Variants in PTPRD observed in about 807,000 individuals in gnomAD.
The protein encoded by PTPRD is protein tyrosine phosphatase receptor type D.
A neutral mutation model predicts 214.5 loss-of-function variants in PTPRD; 34 were observed. That is an observed-to-expected ratio of 0.16 (90% CI 0.12 to 0.21). PTPRD has a LOEUF of 0.21. Among genes scored for constraint, PTPRD ranks in the 10% least tolerant of loss-of-function variants. The pLI, the probability that PTPRD is intolerant of heterozygous loss-of-function variation, is 1.00. For synonymous variants in PTPRD, 1,128 were observed against 845.7 expected (o/e 1.33, Z -5.79); for missense variants, 2,545 against 2,398.7 (o/e 1.06, Z -1.27).
intron 5 of PTPRD, among the ~76,000 whole-genome samples, chr9:9,899,712 GA>G (rs200701021): frequency 2.5e-4 from 37 of 149,630 alleles, no homozygotes; most frequent in East Asian, 1.4e-3. Context: ...ACCTCCAAAG[GA>G]AAAAAAAATC....
At chr9:8,445,184 A>G (rs570491928) in intron 34 of PTPRD, among the ~76,000 whole-genome samples, 1 of 152,304 alleles carries the variant, frequency 6.6e-6, no homozygotes, top group South Asian at 2.1e-4. Context: ...TTAACTTGGT[A>G]GTTATTGGTG....
At chr9:10,110,329 G>A (rs1167976899) in intron 3 of PTPRD, among the ~76,000 whole-genome samples, 2 of 152,210 alleles carry the variant, frequency 1.3e-5, no homozygotes, top group East Asian at 3.9e-4. Context: ...TCATTCTGTA[G>A]GAAGAGAAAA....
chr9:9,139,788 C>T (rs539766685), intron 10 of PTPRD, among the ~76,000 whole-genome samples: 11 of 152,238 alleles, frequency 7.2e-5, no homozygotes, highest in South Asian at 4.1e-4. Context: ...AGTGCAACCA[C>T]GGCTGAGAGA....
intron 7 of PTPRD, among the ~76,000 whole-genome samples, chr9:9,640,787 C>T (rs1758967421): frequency 1.3e-5 from 2 of 152,210 alleles, no homozygotes; most frequent in African/African-American, 2.4e-5. Context: ...AGAAGAGAAT[C>T]TTAAGAGGGT....
rs1233920959 is a variant in PTPRD, at chr9:10,373,142, C to T, written c.-599-32125G>A. Among the ~76,000 whole-genome samples, 3 of 125,624 alleles carry T rather than the reference C, an allele frequency of 2.4e-5. No homozygotes were observed. The Admixed American group carries it at 2.6e-4, about 11-fold the overall frequency. 82.4% of individuals were successfully genotyped at this position (125,624 alleles called of 152,430 possible). ...TCACTGTGCCCGGCCTGTCTTTATA[C>T]TTAAAAAAAAAAAAAAAATTGATGA... is the stretch of plus-strand genomic sequence containing the variant. On this transcript the variant is annotated intron_variant, in intron 2 of 45. Coordinates refer to ENST00000381196, the MANE Select transcript of PTPRD (RefSeq NM_002839.4).
At chr9:10,551,825 G>GA (rs941558920) in intron 2 of PTPRD, among the ~76,000 whole-genome samples, 6 of 151,734 alleles carry the variant, frequency 4.0e-5, no homozygotes, top group African/African-American at 1.2e-4. Context: ...CATATGCCCA[G>GA]AAAAAAAACT....
chr9:8,970,701 A>G (rs2099232452), intron 11 of PTPRD, among the ~76,000 whole-genome samples: 1 of 151,842 alleles, frequency 6.6e-6, no homozygotes, highest in Non-Finnish European at 1.5e-5. Context: ...TGAGGTCAAC[A>G]CCTTAGAAAC....
chr9:8,661,942 T>A (rs2097064012), intron 12 of PTPRD, among the ~76,000 whole-genome samples: 1 of 152,176 alleles, frequency 6.6e-6, no homozygotes, highest in South Asian at 2.1e-4. Flanking sequence ...ACCCATTCAT[T>A]CATTCATTCA....
chr9:9,606,965 T>TAAAAAAAAAAAAAAAAA (rs754610072), intron 7 of PTPRD, among the ~76,000 whole-genome samples: 1 of 27,488 alleles, frequency 3.6e-5, no homozygotes, highest in East Asian at 2.0e-3. Flanking sequence ...TCAGCACTGC[T>TAAAAAAAAAAAAAAAAA]AAAAAAAAAA....
rs1308307900 is a variant in PTPRD at position 8,597,592 on chromosome 9, C to G, written c.352+35725G>C. On this transcript the variant is annotated intron_variant, in intron 14 of 45. Transcript: ENST00000381196. Reference sequence around the variant, plus strand: ...GATCAAATAAAAAACAGAATGCATTCAAGTTTACATTTAGAACTACATTTC... The same window carrying G: ...GATCAAATAAAAAACAGAATGCATTGAAGTTTACATTTAGAACTACATTTC... Among the ~76,000 whole-genome samples the G allele has an allele frequency of 4.6e-5, 7 of 152,204 alleles. No homozygotes were observed. In the South Asian group the frequency reaches 1.5e-3, roughly 32 times the overall value.
intron 8 of PTPRD, among the ~76,000 whole-genome samples, chr9:9,561,171 T>C (rs1336303486): frequency 6.6e-6 from 1 of 152,176 alleles, no homozygotes; most frequent in Non-Finnish European, 1.5e-5. Flanking sequence ...AGCGGAGTTA[T>C]ACGCCTGCGC....
At chr9:8,943,154 A>T (rs1279529895) in intron 11 of PTPRD, among the ~76,000 whole-genome samples, 1 of 152,148 alleles carries the variant, frequency 6.6e-6, no homozygotes. Context: ...ATGGAAAGAT[A>T]TTCTATGTTC....
chr9:8,402,401 A>G (rs2092507930), intron 36 of PTPRD, among the ~76,000 whole-genome samples: 1 of 152,196 alleles, frequency 6.6e-6, no homozygotes, highest in East Asian at 1.9e-4. Context: ...AAAGATGTGG[A>G]AAATAACAGG....
chr9:9,788,783 A>C (rs1277869957), intron 5 of PTPRD, among the ~76,000 whole-genome samples: 2 of 152,072 alleles, frequency 1.3e-5, no homozygotes, highest in African/African-American at 4.8e-5. Flanking sequence ...CATATTTTAA[A>C]GAATATTTTT....
intron 35 of PTPRD, among the ~76,000 whole-genome samples, chr9:8,425,131 T>A (rs2094578371): frequency 6.6e-6 from 1 of 152,182 alleles, no homozygotes; most frequent in Admixed American, 6.5e-5. Flanking sequence ...ATTTTATAAT[T>A]TTACAATTAA....
At chr9:9,119,857 A>G (rs1050585711) in intron 10 of PTPRD, among the ~76,000 whole-genome samples, 1 of 151,648 alleles carries the variant, frequency 6.6e-6, no homozygotes, top group Non-Finnish European at 1.5e-5. Flanking sequence ...TTAATCTCAC[A>G]GAGAAAGATG....
chr9:8,878,342 G>T (rs1317316154), intron 11 of PTPRD, among the ~76,000 whole-genome samples: 1 of 152,098 alleles, frequency 6.6e-6, no homozygotes, highest in East Asian at 1.9e-4. Flanking sequence ...AGCTGCCTCT[G>T]TAACTAGCCA....
chr9:10,363,443 G>A (rs914899986), intron 2 of PTPRD, among the ~76,000 whole-genome samples: 3 of 152,160 alleles, frequency 2.0e-5, no homozygotes, highest in African/African-American at 7.2e-5. Flanking sequence ...ATTATTTTAG[G>A]ACAAACTGAA....
intron 9 of PTPRD, among the ~76,000 whole-genome samples, chr9:9,353,265 G>T (rs1375224601): frequency 6.6e-6 from 1 of 151,850 alleles, no homozygotes; most frequent in Non-Finnish European, 1.5e-5. Flanking sequence ...TTTCAGTGCA[G>T]AAGTCAATAT....
Sources: allele counts gnomAD v4.1 joint callset (sites outside exome capture counted in the v4.1 genomes callset), GRCh38; gene constraint gnomAD v4.1.1; transcripts MANE v1.5; gene names NCBI Gene and HGNC (gene_info 2026-07-23, HGNC 2026-07-21).